Variants in DYSF observed in about 807,000 individuals in gnomAD.
The protein encoded by DYSF is dystrophy-associated fer-1-like 1.
In DYSF, 212 loss-of-function variants were observed where a neutral mutation model predicts 274.9. The observed-to-expected ratio is 0.77, with a 90% CI of 0.69 to 0.86. The LOEUF (loss-of-function observed/expected upper bound fraction) is 0.86. DYSF is among the 40% of genes least tolerant of loss of function. DYSF has a pLI of 0.00. For synonymous variants in DYSF, 1,091 were observed against 1,078.7 expected, an observed-to-expected ratio of 1.01 and a Z score of -0.22; for missense variants, 2,666 against 2,783.2, an observed-to-expected ratio of 0.96 and a Z score of 0.95.
chr2:71,582,102 G>A (rs1315393583), intron 30 of DYSF, among the ~76,000 whole-genome samples: 7 of 64,828 alleles, frequency 1.1e-4, no homozygotes, highest in East Asian at 8.1e-4. Flanking sequence ...AGGAGACTCC[G>A]TCTCAAAAAA....
chr2:71,460,926 T>A (rs1381806619), intron 1 of DYSF, among the ~76,000 whole-genome samples: 1 of 142,064 alleles, frequency 7.0e-6, no homozygotes, highest in East Asian at 2.1e-4. Flanking sequence ...CAGGAATCAT[T>A]GTGATAGACA....
chr2:71,594,276 G>C (rs2093348845), intron 32 of DYSF, among the ~76,000 whole-genome samples: 1 of 152,172 alleles, frequency 6.6e-6, no homozygotes, highest in Admixed American at 6.5e-5. Context: ...TTTTGTTAAG[G>C]TTGGCTCTGG....
chr2:71,489,799 T>A (rs2083673771), intron 3 of DYSF, among the ~76,000 whole-genome samples: 1 of 152,100 alleles, frequency 6.6e-6, no homozygotes, highest in African/African-American at 2.4e-5. Context: ...GGTGGTGGAA[T>A]GAGAATGAGG....
rs5832057 is a variant in DYSF, at chr2:71,514,147, T to TAA, written c.759+246_759+247dup. Among the ~76,000 whole-genome samples, 3,663 of 125,098 alleles carry TAA rather than the reference T, an allele frequency of 0.029. 122 individuals are homozygous for TAA. Among genetic ancestry groups the TAA allele is most frequent in the African/African-American group, 0.073 (2,349 of 32,396 alleles). The allele number at this position is 125,098 out of a possible 152,430, so 82.1% of individuals were successfully genotyped here. On this transcript the variant is annotated intron_variant, in intron 7 of 55. Transcript: ENST00000410020. ...CTGCCGAGACCTGTGGTTTTGCGCT[T>TAA]AAAAAAAAAAAAAAAAAAAAAGTCA...
intron 14 of DYSF, among the ~76,000 whole-genome samples, chr2:71,532,830 T>TTCTATCTATCTATCTG (rs369157878): frequency 0.011 from 1,604 of 147,552 alleles, 13 homozygotes; most frequent in Non-Finnish European, 0.016. Context: ...AGTACATTTA[T>TTCTATCTATCTATCTG]TCTATCTATC....
At chr2:71,620,725 G>T in intron 41 of DYSF, 116 bp downstream of exon 41, 1 of 1,151,354 alleles carries the variant, frequency 8.7e-7, no homozygotes. Context: ...GGTATTTCCT[G>T]AGCCCTAGCA....
chr2:71,662,256 C>T (rs1004686274), intron 45 of DYSF, among the ~76,000 whole-genome samples: 7 of 152,200 alleles, frequency 4.6e-5, no homozygotes, highest in African/African-American at 7.2e-5. Flanking sequence ...CTCCTTTCCC[C>T]TGAGGAAACT....
rs370389635 is a variant in DYSF at position 71,664,456 on chromosome 2, G to A, written c.5174+18G>A. Reference sequence around the variant, plus strand: ...TACTGTGTGTACGTGGATGGGGGCTGGCTGCCTGCTTCTCTGACAACACAC... The same window carrying A: ...TACTGTGTGTACGTGGATGGGGGCTAGCTGCCTGCTTCTCTGACAACACAC... On this transcript the variant is annotated intron_variant, in intron 46 of 55. Transcript: ENST00000410020. 4.3e-6 allele frequency: 7 copies of A among 1,613,662 alleles called. No individual in the cohort carries two copies. The African/African-American group carries it at 6.7e-5, about 15-fold the overall frequency.
At chr2:71,543,359 C>T (rs1376707356) in intron 17 of DYSF, among the ~76,000 whole-genome samples, 11 of 150,966 alleles carry the variant, frequency 7.3e-5, no homozygotes, top group Admixed American at 3.3e-4. Context: ...CGGGAAGAGA[C>T]GCTCCTCACT....
At chr2:71,598,465 A>G (rs1450134631) in intron 32 of DYSF, 99 bp from the exon 33 acceptor site, 1 of 1,436,492 alleles carries the variant, frequency 7.0e-7, no homozygotes, top group East Asian at 2.4e-5. Context: ...GGCAGCCACA[A>G]CCCTGCTCCA....
intron 51 of DYSF, among the ~76,000 whole-genome samples, chr2:71,671,694 G>A (rs1465169242): frequency 3.9e-5 from 6 of 152,214 alleles, no homozygotes; most frequent in Admixed American, 3.9e-4. Context: ...GATGGGGAGG[G>A]AATGTGACTG....
At chr2:71,638,961 G>T (rs565104157) in intron 41 of DYSF, among the ~76,000 whole-genome samples, 8 of 152,126 alleles carry the variant, frequency 5.3e-5, no homozygotes, top group Admixed American at 1.3e-4. Flanking sequence ...AGTGTACAAG[G>T]GTTCCAATTT....
chr2:71,684,286 A>G (rs1284560467), intron 55 of DYSF, among the ~76,000 whole-genome samples: 1 of 152,032 alleles, frequency 6.6e-6, no homozygotes, highest in African/African-American at 2.4e-5. Context: ...GTCCTGCAGC[A>G]TGAGCTGTTG....
At chr2:71,590,913 CTTTG>C (rs1173996884) in intron 32 of DYSF, among the ~76,000 whole-genome samples, 1 of 152,192 alleles carries the variant, frequency 6.6e-6, no homozygotes. Flanking sequence ...GGCCTTGCCC[CTTTG>C]TATCTAGGTC....
intron 30 of DYSF, among the ~76,000 whole-genome samples, chr2:71,588,495 G>A (rs1294618241): frequency 2.6e-5 from 4 of 152,128 alleles, no homozygotes; most frequent in African/African-American, 9.7e-5. Context: ...AGCCTGGGGA[G>A]AGGTTGAAAT....
At chr2:71,630,953 C>T (rs1028286769) in intron 41 of DYSF, among the ~76,000 whole-genome samples, 3 of 152,216 alleles carry the variant, frequency 2.0e-5, no homozygotes, top group Admixed American at 6.5e-5. Flanking sequence ...AGGCATTCTT[C>T]CCTGTTGAGG....
chr2:71,454,281 G>C (rs1294798277), intron 1 of DYSF, among the ~76,000 whole-genome samples: 1 of 152,242 alleles, frequency 6.6e-6, no homozygotes, highest in African/African-American at 2.4e-5. Flanking sequence ...AAGGAGAGAG[G>C]TGTCTGAATG....
At chr2:71,665,077 T>C in intron 46 of DYSF, 85 bp from the exon 47 acceptor site, 1 of 1,595,278 alleles carries the variant, frequency 6.3e-7, no homozygotes, top group Non-Finnish European at 8.5e-7. Flanking sequence ...ATGCTGTACA[T>C]GGGGGTACAC....
chr2:71,513,131 C>A, intron 5 of DYSF, 109 bp from the exon 6 acceptor site: 1 of 1,014,072 alleles, frequency 9.9e-7, no homozygotes, highest in Non-Finnish European at 1.5e-6. Flanking sequence ...TTGCACCAGG[C>A]TGGGGTGGGC....
Sources: allele counts gnomAD v4.1 joint callset (sites outside exome capture counted in the v4.1 genomes callset), GRCh38; gene constraint gnomAD v4.1.1; transcripts MANE v1.5; gene names NCBI Gene and HGNC (gene_info 2026-07-23, HGNC 2026-07-21).